Variants in EHD3 observed in about 807,000 individuals in gnomAD.
The protein encoded by EHD3 is EH domain containing 3, also known as EH domain-containing protein 3.
Under a neutral mutation model 43.0 loss-of-function variants are expected in EHD3, and 17 were observed. The ratio of observed to expected loss-of-function variants is 0.40; its 90% CI spans 0.27 to 0.59. The LOEUF (loss-of-function observed/expected upper bound fraction) is 0.59, where lower values mean the gene tolerates loss of function less well. Among genes scored for constraint, EHD3 ranks in the 20% least tolerant of loss-of-function variants. EHD3 has a pLI of 0.49. For missense variants in EHD3, 594 were observed against 705.6 expected (o/e 0.84, Z 1.79); for synonymous variants, 313 against 289.5 (o/e 1.08, Z -0.82).
chr2:31,234,423 G>A lies in EHD3; in HGVS notation c.-199G>A. 1 of 597,602 alleles carries A rather than the reference G, an allele frequency of 1.7e-6. No homozygotes were observed. Among genetic ancestry groups the A allele is most frequent in the Non-Finnish European group, 2.9e-6 (1 of 339,894 alleles). The allele number at this position is 597,602 out of a possible 1,614,324, so 37.0% of individuals were successfully genotyped here. A position where few individuals can be genotyped will look rare whatever the true frequency, so the allele number is the denominator to read the frequency against. ...GCCTGGGCTGCTGGATGCAGCAGCG[G>A]CTGGGCTTGGTCCCAGGAGCAGGGA... On this transcript the variant is annotated 5_prime_UTR_variant, in exon 1 of 6. Coordinates refer to ENST00000322054, the MANE Select transcript of EHD3 (RefSeq NM_014600.3).
chr2:31,246,541 T>C (rs980606951), intron 2 of EHD3, among the ~76,000 whole-genome samples: 19 of 152,276 alleles, frequency 1.2e-4, no homozygotes, highest in Non-Finnish European at 4.4e-5. Context: ...TTGGGATAAT[T>C]GTGCTTATAA....
chr2:31,266,650 C>T lies in EHD3; in HGVS notation c.1554C>T (p.Pro518=). The T allele has an allele frequency of 3.1e-6, 5 of 1,612,870 alleles. No individual in the cohort carries two copies. Among genetic ancestry groups the T allele is most frequent in the Non-Finnish European group, 4.2e-6 (5 of 1,179,178 alleles). The change falls in exon 6 of 6, where the codon CCC becomes CCT. Residue 518 remains proline (P), a synonymous_variant. Transcript: ENST00000322054. The surrounding 1 kb of genome is among the most constrained non-coding windows in gnomAD (Gnocchi z 5.1). ...IKVKLEGHEL[P]NELPAHLLPP... ...TCAAGCTGGAGGGGCACGAGCTGCCCAACGAGCTGCCTGCCCACCTCCTGC... is the reference window on the plus strand; with the variant it reads ...TCAAGCTGGAGGGGCACGAGCTGCCTAACGAGCTGCCTGCCCACCTCCTGC...
chr2:31,257,765 G>T (rs1572470594), intron 3 of EHD3, among the ~76,000 whole-genome samples: 1 of 152,192 alleles, frequency 6.6e-6, no homozygotes, highest in Non-Finnish European at 1.5e-5. Flanking sequence ...CTCCGAGGGA[G>T]GGTTGATGAT....
In EHD3 at chr2:31,266,914, G is replaced by A; in HGVS notation, c.*210G>A. 1.6e-6 allele frequency: 1 copy of A among 614,322 alleles called. No individual in the cohort carries two copies. The highest frequency in any genetic ancestry group is 2.3e-5 in the South Asian group (1 of 43,172). 38.1% of individuals were successfully genotyped at this position (614,322 alleles called of 1,614,324 possible). On this transcript the variant is annotated 3_prime_UTR_variant, in exon 6 of 6. Transcript: ENST00000322054. The surrounding 1 kb of genome is among the most constrained non-coding windows in gnomAD (Gnocchi z 5.1). ...ACCTCCAAGTTCTCGGGATTAGAAG[G>A]ACAAGAGCACTCCCAGGCCCCAGAG... is the stretch of plus-strand genomic sequence containing the variant.
At chr2:31,238,866 T>C (rs1326380482) in intron 1 of EHD3, among the ~76,000 whole-genome samples, 2 of 152,180 alleles carry the variant, frequency 1.3e-5, no homozygotes, top group Admixed American at 1.3e-4. Context: ...AGAGAGGCTC[T>C]AGTGGATTGG....
intron 1 of EHD3, among the ~76,000 whole-genome samples, chr2:31,236,709 A>G (rs970224403): frequency 8.5e-5 from 13 of 152,190 alleles, no homozygotes; most frequent in Non-Finnish European, 1.9e-4. Context: ...CTGGTGTACA[A>G]TCATTGACAA....
chr2:31,241,567 A>G (rs1029980604), intron 1 of EHD3, among the ~76,000 whole-genome samples: 5 of 152,224 alleles, frequency 3.3e-5, no homozygotes, highest in African/African-American at 7.2e-5. Context: ...GAGGAAGAGC[A>G]TAGTGCTGAT....
intron 5 of EHD3, among the ~76,000 whole-genome samples, chr2:31,265,172 T>C (rs1683924021): frequency 6.6e-6 from 1 of 152,214 alleles, no homozygotes; most frequent in South Asian, 2.1e-4. Context: ...GAGGTTGTTT[T>C]ACTGTTAACA....
rs1683589590 is a variant in EHD3 at position 31,249,374 on chromosome 2, C to T, written c.408C>T (p.Phe136=). The T allele has an allele frequency of 1.5e-5, 24 of 1,614,012 alleles. No homozygotes were observed. Among genetic ancestry groups the T allele is most frequent in the Middle Eastern group, 1.7e-4 (1 of 6,060 alleles). ...NAFGNAFLNR[F]VCAQLPNPVL... is the part of the protein sequence containing the mutation. ...CAGGTTACCTCTGCCCATGCAGGTT[C>T]GTGTGTGCCCAGCTACCTAACCCTG... Residue 136 remains phenylalanine (F), a synonymous_variant, in exon 3 of 6, where the codon TTC becomes TTT. Coordinates refer to ENST00000322054, the MANE Select transcript of EHD3 (RefSeq NM_014600.3).
intron 1 of EHD3, among the ~76,000 whole-genome samples, chr2:31,235,964 AG>A (rs921705631): frequency 1.1e-4 from 17 of 152,304 alleles, no homozygotes; most frequent in African/African-American, 3.6e-4. Flanking sequence ...GGCCCCCCAA[AG>A]TCAAGTGTGC....
chr2:31,241,037 C>G (rs539907785), intron 1 of EHD3, among the ~76,000 whole-genome samples: 1 of 152,328 alleles, frequency 6.6e-6, no homozygotes, highest in Non-Finnish European at 1.5e-5. Context: ...CCTTTTAGAG[C>G]CCATGGAGCC....
At chr2:31,255,582 C>T (rs540297675) in intron 3 of EHD3, among the ~76,000 whole-genome samples, 2 of 152,076 alleles carry the variant, frequency 1.3e-5, no homozygotes, top group Non-Finnish European at 2.9e-5. Flanking sequence ...TTTGAGATAC[C>T]GCCATTCCTA....
chr2:31,266,806 A>G lies in EHD3; in HGVS notation c.*102A>G, dbSNP rs1428020454. ...CACACACACACACAAACATGCACAC[A>G]CACATATGCATATCTTGACATTGCT... is the stretch of plus-strand genomic sequence containing the variant. On this transcript the variant is annotated 3_prime_UTR_variant, in exon 6 of 6. Coordinates refer to ENST00000322054, the MANE Select transcript of EHD3 (RefSeq NM_014600.3). This position sits in a 1 kb window ranked among gnomAD's most constrained non-coding sequence, Gnocchi z 5.1. 2.1e-5 allele frequency: 28 copies of G among 1,331,696 alleles called. No individual in the cohort carries two copies. The highest frequency in any genetic ancestry group is 2.7e-5 in the Non-Finnish European group (27 of 987,364). The allele number at this position is 1,331,696 out of a possible 1,614,324, so 82.5% of individuals were successfully genotyped here. A position where few individuals can be genotyped will look rare whatever the true frequency, so the allele number is the denominator to read the frequency against.
intron 4 of EHD3, 89 bp downstream of exon 4, chr2:31,261,011 A>G (rs888643058): frequency 2.1e-6 from 3 of 1,436,766 alleles, no homozygotes; most frequent in Non-Finnish European, 2.8e-6. Context: ...TGCCTCCAAC[A>G]GCCAGTGCAT....
intron 4 of EHD3, among the ~76,000 whole-genome samples, chr2:31,261,188 G>A (rs1171293299): frequency 6.6e-6 from 1 of 152,162 alleles, no homozygotes; most frequent in Non-Finnish European, 1.5e-5. Flanking sequence ...TAAAATGAAG[G>A]GGTTGTTGGA....
intron 1 of EHD3, among the ~76,000 whole-genome samples, chr2:31,243,490 C>A (rs1450921181): frequency 1.2e-5 from 1 of 80,274 alleles, no homozygotes; most frequent in Non-Finnish European, 2.3e-5. Context: ...GAGTTTCGTT[C>A]TTGTTGCCCA....
At chr2:31,243,460 C>CTTTCTTTCTTTTTTTTTTT (rs1553402472) in intron 1 of EHD3, among the ~76,000 whole-genome samples, 6 of 98,464 alleles carry the variant, frequency 6.1e-5, no homozygotes, top group African/African-American at 1.8e-4. Flanking sequence ...TTCTTTCTTT[C>CTTTCTTTCTTTTTTTTTTT]TTTTTTTTTT....
intron 2 of EHD3, among the ~76,000 whole-genome samples, chr2:31,245,482 A>G (rs1389370012): frequency 6.7e-6 from 1 of 149,158 alleles, no homozygotes; most frequent in African/African-American, 2.5e-5. Context: ...TTCATTGTAG[A>G]AGTTGAGGCT....
At position 31,260,787 on chromosome 2, in the gene EHD3, C is replaced by T. The variant is rs376729413; in HGVS notation, c.780C>T (p.His260=). The change falls in exon 4 of 6, where the codon CAC becomes CAT. Residue 260 remains histidine (H), a synonymous_variant. Coordinates refer to ENST00000322054, the MANE Select transcript of EHD3 (RefSeq NM_014600.3). The surrounding 1 kb of genome is among the most constrained non-coding windows in gnomAD (Gnocchi z 4.6). ...IRVYIGSFWS[H]PLLIPDNRKL... ...TCTACATCGGCTCCTTCTGGTCCCA[C>T]CCCCTCCTCATCCCTGACAACCGGA... is the stretch of plus-strand genomic sequence containing the variant. 1 of 1,614,198 alleles carries T rather than the reference C, an allele frequency of 6.2e-7. No homozygotes were observed. The highest frequency in any genetic ancestry group is 8.5e-7 in the Non-Finnish European group (1 of 1,180,044).
Sources: gnomAD v4.1 joint callset for allele counts (sites outside exome capture counted in the v4.1 genomes callset) on GRCh38, gnomAD v4.1.1 for gene constraint, Gnocchi (gnomAD v3.1) non-coding constraint, MANE v1.5 for transcripts, NCBI Gene and HGNC (gene_info 2026-07-23, HGNC 2026-07-21) for gene names.